Variants in CEP112 observed in about 807,000 individuals in gnomAD.
CEP112 encodes the protein centrosomal protein 112.
In CEP112, 127 loss-of-function variants were observed where a neutral mutation model predicts 153.0. That is an observed-to-expected ratio of 0.83 (90% confidence interval 0.72 to 0.96). The LOEUF (loss-of-function observed/expected upper bound fraction) is 0.96, where lower values mean the gene tolerates loss of function less well. Among genes scored for constraint, CEP112 ranks in the 40% least tolerant of loss-of-function variants. The pLI, the probability that CEP112 is intolerant of heterozygous loss-of-function variation, is 0.00. For synonymous variants in CEP112, 358 were observed against 374.4 expected, an observed-to-expected ratio of 0.96 and a Z score of 0.51; for missense variants, 1,089 against 1,101.2, an observed-to-expected ratio of 0.99 and a Z score of 0.16.
intron 18 of CEP112, among the ~76,000 whole-genome samples, chr17:65,946,855 T>G (rs2061667645): frequency 1.3e-5 from 2 of 152,176 alleles, no homozygotes; most frequent in African/African-American, 4.8e-5. Context: ...CAGGTCTTCT[T>G]TAGTTTCTCT....
chr17:65,799,105 T>C (rs2055107093), intron 21 of CEP112, among the ~76,000 whole-genome samples: 1 of 152,214 alleles, frequency 6.6e-6, no homozygotes, highest in African/African-American at 2.4e-5. Flanking sequence ...TATATGATAA[T>C]GTAGTATTTA....
At chr17:65,915,017 A>G (rs2060423866) in intron 19 of CEP112, among the ~76,000 whole-genome samples, 1 of 152,016 alleles carries the variant, frequency 6.6e-6, no homozygotes. Flanking sequence ...GTGGTTACTC[A>G]CTTCCTCCTT....
intron 12 of CEP112, among the ~76,000 whole-genome samples, chr17:66,046,903 T>A (rs1226912985): frequency 6.6e-6 from 1 of 152,008 alleles, no homozygotes; most frequent in Non-Finnish European, 1.5e-5. Context: ...CAAGAAGAAT[T>A]TTCCTCTACC....
At chr17:65,694,221 C>T (rs1010308941) in intron 23 of CEP112, among the ~76,000 whole-genome samples, 9 of 152,142 alleles carry the variant, frequency 5.9e-5, no homozygotes, top group African/African-American at 2.2e-4. Flanking sequence ...GATGCCCACA[C>T]TCAGACAGGC....
At chr17:65,767,747 T>G (rs2053077700) in intron 21 of CEP112, among the ~76,000 whole-genome samples, 1 of 152,060 alleles carries the variant, frequency 6.6e-6, no homozygotes, top group African/African-American at 2.4e-5. Context: ...TTATTAACAA[T>G]TATATGTCAA....
intron 21 of CEP112, among the ~76,000 whole-genome samples, chr17:65,752,362 T>C (rs2051933218): frequency 6.6e-6 from 1 of 152,166 alleles, no homozygotes. Flanking sequence ...GACTCTCCCA[T>C]GCCAGCATCT....
chr17:66,103,485 G>A (rs2068651265), intron 6 of CEP112, among the ~76,000 whole-genome samples: 1 of 152,182 alleles, frequency 6.6e-6, no homozygotes, highest in African/African-American at 2.4e-5. Context: ...AAATAAACAA[G>A]TAAATAATAG....
At chr17:65,786,829 G>A (rs1021114995) in intron 21 of CEP112, among the ~76,000 whole-genome samples, 7 of 152,108 alleles carry the variant, frequency 4.6e-5, no homozygotes, top group East Asian at 1.9e-4. Context: ...CAAGTGATCC[G>A]CCTGCCTTCG....
chr17:66,061,313 C>T (rs1166730105), intron 11 of CEP112, among the ~76,000 whole-genome samples: 1 of 151,852 alleles, frequency 6.6e-6, no homozygotes, highest in Non-Finnish European at 1.5e-5. Context: ...GAAAAGAGAA[C>T]CCTTATATAC....
Position 66,093,683 on chromosome 17 carries a change from C to G in CEP112, c.768+2568G>C, listed in dbSNP as rs369205978. On this transcript the variant is annotated intron_variant, in intron 8 of 26. Transcript: ENST00000535342. ...CTGATAAAAGAAATTAAAGAAGATA[C>G]AAATAAATGGAAAGATATCTCATGT... Among the ~76,000 whole-genome samples the G allele has an allele frequency of 6.1e-4, 92 of 151,212 alleles. 4 individuals carry two copies. In the South Asian group the frequency reaches 0.018, roughly 29 times the overall value.
chr17:65,742,978 G>T, intron 23 of CEP112, 90 bp downstream of exon 23: 4 of 995,020 alleles, frequency 4.0e-6, no homozygotes, highest in Non-Finnish European at 4.4e-6. Flanking sequence ...CCAGATACCC[G>T]CATTCATCTG....
intron 21 of CEP112, among the ~76,000 whole-genome samples, chr17:65,755,459 G>A (rs1474860947): frequency 6.6e-6 from 1 of 152,110 alleles, no homozygotes; most frequent in Admixed American, 6.5e-5. Context: ...TGAGATTTGG[G>A]CGGGGACACA....
intron 24 of CEP112, among the ~76,000 whole-genome samples, chr17:65,682,467 T>C (rs189931311): frequency 6.6e-6 from 1 of 152,286 alleles, no homozygotes; most frequent in African/African-American, 2.4e-5. Context: ...GGACTAATCT[T>C]TGTAAAATAT....
At position 66,100,301 on chromosome 17, in the gene CEP112, G is replaced by C. The variant is rs539522753; in HGVS notation, c.643-3669C>G. Among the ~76,000 whole-genome samples, 3 of 151,918 alleles carry C rather than the reference G, an allele frequency of 2.0e-5. No individual in the cohort carries two copies. The South Asian group carries it at 6.2e-4, about 32-fold the overall frequency. On this transcript the variant is annotated intron_variant, in intron 6 of 26. Transcript: ENST00000535342. ...TGTAGTCCCAGCTACTCGGGAGGCTGAGGCAGGAGAATGGCATGAACCCTG... is the reference window on the plus strand; with the variant it reads ...TGTAGTCCCAGCTACTCGGGAGGCTCAGGCAGGAGAATGGCATGAACCCTG...
At chr17:65,745,892 C>A (rs1567953002) in intron 22 of CEP112, among the ~76,000 whole-genome samples, 1 of 152,136 alleles carries the variant, frequency 6.6e-6, no homozygotes, top group Non-Finnish European at 1.5e-5. Flanking sequence ...GGACATTTCT[C>A]ATTTTCAGAA....
At chr17:65,971,664 G>GTGT (rs1568321076) in intron 17 of CEP112, among the ~76,000 whole-genome samples, 5 of 151,836 alleles carry the variant, frequency 3.3e-5, no homozygotes, top group Admixed American at 6.6e-5. Flanking sequence ...TCACATGCAT[G>GTGT]TATGTTACAT....
intron 16 of CEP112, among the ~76,000 whole-genome samples, chr17:66,024,334 A>G (rs2065114335): frequency 6.6e-6 from 1 of 152,108 alleles, no homozygotes; most frequent in Non-Finnish European, 1.5e-5. Flanking sequence ...TCAAGCAAGA[A>G]AAAGAAATAA....
intron 21 of CEP112, among the ~76,000 whole-genome samples, chr17:65,754,157 T>G (rs2052069105): frequency 2.0e-5 from 3 of 152,204 alleles, no homozygotes. Context: ...TACTTTATAA[T>G]TTTAAAAATA....
At chr17:66,176,766 G>C in intron 3 of CEP112, 64 bp downstream of exon 3, 3 of 1,249,690 alleles carry the variant, frequency 2.4e-6, no homozygotes, top group Non-Finnish European at 3.3e-6. Context: ...TCCCCAAAGG[G>C]ATGATAACTT....
Sources: gnomAD v4.1 joint callset for allele counts (sites outside exome capture counted in the v4.1 genomes callset) on GRCh38, gnomAD v4.1.1 for gene constraint, MANE v1.5 for transcripts, NCBI Gene and HGNC (gene_info 2026-07-23, HGNC 2026-07-21) for gene names.